Variants in GNAI2 observed in about 807,000 individuals in gnomAD.
GNAI2 encodes G protein subunit alpha i2.
In GNAI2, 4 loss-of-function variants were observed where a neutral mutation model predicts 36.8. That is an observed-to-expected ratio of 0.11 (90% CI 0.05 to 0.25). The LOEUF (loss-of-function observed/expected upper bound fraction) is 0.25, where lower values mean the gene tolerates loss of function less well. Among genes scored for constraint, GNAI2 ranks in the 10% least tolerant of loss-of-function variants. GNAI2 has a pLI of 1.00. For synonymous variants in GNAI2, 194 were observed against 194.1 expected, an observed-to-expected ratio of 1.00 and a Z score of 0.01; for missense variants, 230 against 481.3, an observed-to-expected ratio of 0.48 and a Z score of 4.89.
At chr3:50,231,792 C>T (rs1314900355), upstream of GNAI2, among the ~76,000 whole-genome samples, 2 of 152,010 alleles carry the variant, frequency 1.3e-5, no homozygotes, top group African/African-American at 4.8e-5. Flanking sequence ...GAGGGAAGAT[C>T]GAGGGATGGA....
In GNAI2 at chr3:50,257,755, A is replaced by AGGG. The variant is rs1553703524; in HGVS notation, c.*24+41_*24+42insGGG. Reference sequence around the variant, plus strand: ...TGTGGCAGGGTGCTGGGGAAGAACTAAGCGGGCCTGGAGCCCCAGCAGGGG... The same window carrying AGGG: ...TGTGGCAGGGTGCTGGGGAAGAACTAGGGAGCGGGCCTGGAGCCCCAGCAGGGG... On this transcript the variant is annotated intron_variant, in intron 8 of 8. Transcript: ENST00000313601. The AGGG allele has an allele frequency of 1.3e-4, 131 of 998,832 alleles. 1 individual carries two copies. Among genetic ancestry groups the AGGG allele is most frequent in the Non-Finnish European group, 1.6e-4 (116 of 739,140 alleles). 61.9% of individuals were successfully genotyped at this position (998,832 alleles called of 1,614,324 possible).
At chr3:50,247,003 G>A in intron 1 of GNAI2, 4 of 1,331,924 alleles carry the variant, frequency 3.0e-6, no homozygotes, top group Non-Finnish European at 4.2e-6. Flanking sequence ...CTCTTTATCT[G>A]AAAATCTTCA....
chr3:50,253,918 C>T lies in GNAI2; in HGVS notation c.464+734C>T, dbSNP rs1212755437. ...CAGGGGAGGAGTGGATGAGGGGATT[C>T]CAGGCAGGGGCATAGCATGTGCAGC... On this transcript the variant is annotated intron_variant, in intron 4 of 8. Transcript: ENST00000313601. This position sits in a 1 kb window ranked among gnomAD's most constrained non-coding sequence, Gnocchi z 4.2. Among the ~76,000 whole-genome samples the T allele has an allele frequency of 2.6e-5, 4 of 151,920 alleles. No individual in the cohort carries two copies. The highest frequency in any genetic ancestry group is 4.8e-5 in the African/African-American group (2 of 41,332).
Position 50,241,802 on chromosome 3 carries a change from C to T in GNAI2, c.118+5349C>T, listed in dbSNP as rs1341696796. Among the ~76,000 whole-genome samples, 2 of 152,190 alleles carry T rather than the reference C, an allele frequency of 1.3e-5. No homozygotes were observed. The highest frequency in any genetic ancestry group is 2.1e-4 in the South Asian group (1 of 4,830). ...TGCTGGATGGGGCCTGGGGATGGTC[C>T]GGGACCCCTTTGGCCCTGGGCAGCT... On this transcript the variant is annotated intron_variant, in intron 1 of 8. Transcript: ENST00000313601. The surrounding 1 kb of genome is among the most constrained non-coding windows in gnomAD (Gnocchi z 5.0).
chr3:50,240,446 T>C (rs1349806331), intron 1 of GNAI2, among the ~76,000 whole-genome samples: 1 of 152,172 alleles, frequency 6.6e-6, no homozygotes, highest in Non-Finnish European at 1.5e-5. Context: ...GACCAGCCCA[T>C]GGGGTCATCC....
chr3:50,242,502 A>G lies in GNAI2; in HGVS notation c.118+6049A>G, dbSNP rs1232321655. 1.3e-5 allele frequency among the ~76,000 whole-genome samples: 2 copies of G among 152,050 alleles called. No homozygotes were observed. The highest frequency in any genetic ancestry group is 4.8e-5 in the African/African-American group (2 of 41,380). ...CCTTTGATGGTGTCCCTGGTACCTG[A>G]TGCTCTCAGGCAGCCCTTCCCTCAG... On this transcript the variant is annotated intron_variant, in intron 1 of 8. Coordinates refer to ENST00000313601, the MANE Select transcript of GNAI2 (RefSeq NM_002070.4). The surrounding 1 kb of genome is among the most constrained non-coding windows in gnomAD (Gnocchi z 4.8).
At position 50,253,949 on chromosome 3, in the gene GNAI2, G is replaced by A. The variant is rs1047662667; in HGVS notation, c.464+765G>A. ...AGGGGCATAGCATGTGCAGCATCTC[G>A]GGGTGGTGGGGAGCTGGCTGTGCTT... On this transcript the variant is annotated intron_variant, in intron 4 of 8. Transcript: ENST00000313601. This position sits in a 1 kb window ranked among gnomAD's most constrained non-coding sequence, Gnocchi z 4.2. 9.9e-5 allele frequency among the ~76,000 whole-genome samples: 15 copies of A among 152,106 alleles called. No homozygotes were observed. The highest frequency in any genetic ancestry group is 2.1e-4 in the Non-Finnish European group (14 of 68,002).
chr3:50,249,393 T>G (rs1168166812), intron 1 of GNAI2, among the ~76,000 whole-genome samples: 5 of 152,212 alleles, frequency 3.3e-5, no homozygotes, highest in African/African-American at 1.2e-4. Flanking sequence ...GAGGCTTTCC[T>G]GGGACCTTTC....
intron 8 of GNAI2, 26 bp downstream of exon 8, chr3:50,257,740 T>G (rs2109222215): frequency 9.1e-7 from 1 of 1,100,376 alleles, no homozygotes; most frequent in Non-Finnish European, 1.2e-6. Flanking sequence ...TGTGGCAGGG[T>G]GCTGGGGAAG....
At chr3:50,235,615 C>T (rs1205533066), upstream of GNAI2, among the ~76,000 whole-genome samples, 1 of 152,100 alleles carries the variant, frequency 6.6e-6, no homozygotes, top group Non-Finnish European at 1.5e-5. Context: ...CCACTGCGCC[C>T]GGCCTTTTTT....
At chr3:50,257,413 G>A (rs1034137601) in intron 7 of GNAI2, 87 bp from the exon 8 acceptor site, 60 of 866,198 alleles carry the variant, frequency 6.9e-5, no homozygotes, top group Non-Finnish European at 9.1e-5. Context: ...ATGCCTGGCC[G>A]TCCACACGCA....
upstream of GNAI2, among the ~76,000 whole-genome samples, chr3:50,231,571 G>A (rs782461146): frequency 4.1e-4 from 63 of 152,240 alleles, no homozygotes; most frequent in Middle Eastern, 6.8e-3. Flanking sequence ...CACCGCACCC[G>A]GCCTTATTCA....
chr3:50,253,110 G>A lies in GNAI2; in HGVS notation c.390G>A (p.Arg130=). The A allele has an allele frequency of 1.9e-6, 3 of 1,613,752 alleles. No homozygotes were observed. The highest frequency in any genetic ancestry group is 2.5e-6 in the Non-Finnish European group (3 of 1,179,852). ...LPDDLSGVIR[R]LWADHGVQAC... is the part of the protein sequence containing the mutation. ...ATGACCTGTCCGGCGTCATCCGGAG[G>A]CTCTGGGCTGACCATGGTGTGCAGG... Residue 130 remains arginine (R), a synonymous_variant, in exon 4 of 9, where the codon AGG becomes AGA. Coordinates refer to ENST00000313601, the MANE Select transcript of GNAI2 (RefSeq NM_002070.4). The surrounding 1 kb of genome is among the most constrained non-coding windows in gnomAD (Gnocchi z 4.2).
At chr3:50,237,828 T>TG (rs34134733) in intron 1 of GNAI2, among the ~76,000 whole-genome samples, 12 of 149,486 alleles carry the variant, frequency 8.0e-5, no homozygotes, top group South Asian at 2.1e-4. Flanking sequence ...GAGAAGTGCA[T>TG]GGGGGGGTGT....
chr3:50,230,713 C>A, upstream of GNAI2: 1 of 688,660 alleles, frequency 1.5e-6, no homozygotes, highest in South Asian at 6.5e-5. Context: ...TTCTCCATTC[C>A]AGCTGAGGGG....
At chr3:50,247,302 TG>T (rs1187224415) in intron 1 of GNAI2, among the ~76,000 whole-genome samples, 2 of 152,206 alleles carry the variant, frequency 1.3e-5, no homozygotes, top group Non-Finnish European at 2.9e-5. Flanking sequence ...ACATCAGGGC[TG>T]TGGCAAGTCT....
intron 1 of GNAI2, among the ~76,000 whole-genome samples, chr3:50,248,609 C>T (rs1700475489): frequency 6.6e-6 from 1 of 151,628 alleles, no homozygotes; most frequent in Non-Finnish European, 1.5e-5. Context: ...GCTGCCAGCA[C>T]CACACCCTTG....
At position 50,253,095 on chromosome 3, in the gene GNAI2, C is replaced by T. The variant is rs373705209; in HGVS notation, c.375C>T (p.Ser125=). The change falls in exon 4 of 9, where the codon TCC becomes TCT. Residue 125 remains serine, a synonymous_variant. Coordinates refer to ENST00000313601, the MANE Select transcript of GNAI2 (RefSeq NM_002070.4). The surrounding 1 kb of genome is among the most constrained non-coding windows in gnomAD (Gnocchi z 4.2). ...EEQGVLPDDL[S]GVIRRLWADH... ...AAGGCGTGCTCCCTGATGACCTGTC[C>T]GGCGTCATCCGGAGGCTCTGGGCTG... 1.1e-5 allele frequency: 17 copies of T among 1,613,072 alleles called. No homozygotes were observed. Among genetic ancestry groups the T allele is most frequent in the Non-Finnish European group, 1.4e-5 (17 of 1,179,482 alleles).
intron 1 of GNAI2, among the ~76,000 whole-genome samples, chr3:50,240,918 CAAAAAAA>C (rs11302773): frequency 1.2e-5 from 1 of 86,744 alleles, no homozygotes; most frequent in Admixed American, 1.1e-4. Context: ...GACTCTGTCT[CAAAAAAA>C]AAAAAAAAAA....
Sources: allele counts gnomAD v4.1 joint callset (sites outside exome capture counted in the v4.1 genomes callset), GRCh38; gene constraint gnomAD v4.1.1; non-coding constraint Gnocchi (gnomAD v3.1); transcripts MANE v1.5; gene names NCBI Gene and HGNC (gene_info 2026-07-23, HGNC 2026-07-21).